Variants in SUPT3H observed in about 807,000 individuals in gnomAD.
SUPT3H encodes the protein SPT3 homolog, SAGA and STAGA complex component, also known as transcription initiation protein SPT3 homolog.
A neutral mutation model predicts 44.3 loss-of-function variants in SUPT3H; 44 were observed. That is an observed-to-expected ratio of 0.99 (90% confidence interval 0.78 to 1.28). The LOEUF (loss-of-function observed/expected upper bound fraction) is 1.28. SUPT3H is among the 50% of genes most tolerant of loss of function. The pLI is 0.00. For synonymous variants in SUPT3H, 124 were observed against 125.6 expected, an observed-to-expected ratio of 0.99 and a Z score of 0.09; for missense variants, 380 against 387.1, an observed-to-expected ratio of 0.98 and a Z score of 0.15.
At chr6:45,114,031 G>T (rs1450503349) in intron 2 of SUPT3H, among the ~76,000 whole-genome samples, 1 of 151,286 alleles carries the variant, frequency 6.6e-6, no homozygotes, top group East Asian at 1.9e-4. Flanking sequence ...AATATGTGAA[G>T]ATATATAAAA....
At chr6:45,144,712 A>C (rs1242357374) in intron 2 of SUPT3H, among the ~76,000 whole-genome samples, 1 of 152,080 alleles carries the variant, frequency 6.6e-6, no homozygotes, top group Non-Finnish European at 1.5e-5. Context: ...GAGGAAGTCA[A>C]ACTCTCACCA....
intron 10 of SUPT3H, among the ~76,000 whole-genome samples, chr6:44,885,571 A>C (rs1762122683): frequency 6.6e-6 from 1 of 152,194 alleles, no homozygotes; most frequent in South Asian, 2.1e-4. Context: ...TGTTAGAAGG[A>C]AAACTAACAA....
chr6:45,322,829 C>T, intron 2 of SUPT3H: 1 of 1,467,228 alleles, frequency 6.8e-7, no homozygotes, highest in Non-Finnish European at 9.5e-7. Flanking sequence ...TTTCTCCAAC[C>T]ACAGTTAGAT....
At chr6:44,861,013 G>A (rs1038860607) in intron 10 of SUPT3H, among the ~76,000 whole-genome samples, 7 of 152,116 alleles carry the variant, frequency 4.6e-5, no homozygotes, top group African/African-American at 1.4e-4. Context: ...AGAGTCCTGG[G>A]TTCTGCTATT....
chr6:45,299,008 T>C (rs1781719185), intron 2 of SUPT3H, among the ~76,000 whole-genome samples: 1 of 152,082 alleles, frequency 6.6e-6, no homozygotes, highest in South Asian at 2.1e-4. Context: ...ACCACGTAAA[T>C]GCAAAGTTTA....
intron 2 of SUPT3H, among the ~76,000 whole-genome samples, chr6:45,333,794 C>T (rs1372564803): frequency 6.6e-6 from 1 of 151,220 alleles, no homozygotes; most frequent in Non-Finnish European, 1.5e-5. Context: ...ACTTCCTCTA[C>T]TCTATATTCT....
intron 10 of SUPT3H, among the ~76,000 whole-genome samples, chr6:44,918,404 ACT>A (rs1469104316): frequency 6.6e-6 from 1 of 152,228 alleles, no homozygotes; most frequent in Non-Finnish European, 1.5e-5. Context: ...GCCAAAGAAC[ACT>A]TCTTCATCAC....
At chr6:44,953,084 G>A (rs1455407178) in intron 9 of SUPT3H, among the ~76,000 whole-genome samples, 1 of 152,174 alleles carries the variant, frequency 6.6e-6, no homozygotes, top group Non-Finnish European at 1.5e-5. Flanking sequence ...GGAAAGCTAA[G>A]TGAAGCAAGA....
At chr6:44,824,842 A>G (rs9349303), downstream of SUPT3H, among the ~76,000 whole-genome samples, 52,235 of 151,998 alleles carry the variant, frequency 0.34, 10,039 homozygotes, top group East Asian at 0.56. Flanking sequence ...TTTCCTATTT[A>G]TTTCCATACA....
chr6:45,151,199 T>G (rs527881962), intron 2 of SUPT3H, among the ~76,000 whole-genome samples: 3 of 152,148 alleles, frequency 2.0e-5, no homozygotes, highest in African/African-American at 4.8e-5. Context: ...GGTATGCAGA[T>G]AGTAAACTAA....
chr6:45,219,371 T>A (rs1269699313), intron 2 of SUPT3H, among the ~76,000 whole-genome samples: 4 of 147,186 alleles, frequency 2.7e-5, no homozygotes, highest in African/African-American at 1.0e-4. Flanking sequence ...AAGACACAAA[T>A]CACAAACGCC....
intron 1 of SUPT3H, among the ~76,000 whole-genome samples, chr6:45,372,652 C>A (rs574815447): frequency 2.0e-5 from 3 of 152,232 alleles, no homozygotes; most frequent in Non-Finnish European, 4.4e-5. Context: ...ATACCATACA[C>A]CAAACAGAGT....
rs915258825 is a variant in SUPT3H, at chr6:44,884,972, C to A, written c.912+47681G>T. ...CGCACCAGGAGATTATATCCTGCAC[C>A]TGGCTCGGAGGGTCCTACGCCCACG... On this transcript the variant is annotated intron_variant, in intron 10 of 10. Transcript: ENST00000371459. Among the ~76,000 whole-genome samples the A allele has an allele frequency of 3.3e-5, 5 of 152,206 alleles. No individual in the cohort carries two copies. In the East Asian group the frequency reaches 5.8e-4, roughly 18 times the overall value.
chr6:45,267,838 A>T (rs1775511155), intron 2 of SUPT3H, among the ~76,000 whole-genome samples: 1 of 152,120 alleles, frequency 6.6e-6, no homozygotes, highest in African/African-American at 2.4e-5. Context: ...GTTGCCCCCT[A>T]ATCCAAAAGT....
chr6:45,102,019 T>G (rs1393065992), intron 3 of SUPT3H, among the ~76,000 whole-genome samples: 1 of 152,056 alleles, frequency 6.6e-6, no homozygotes, highest in African/African-American at 2.4e-5. Flanking sequence ...AACAAGATAA[T>G]TTTTTGGGGA....
At chr6:45,271,069 G>C (rs1475379890) in intron 2 of SUPT3H, among the ~76,000 whole-genome samples, 1 of 152,186 alleles carries the variant, frequency 6.6e-6, no homozygotes, top group Non-Finnish European at 1.5e-5. Flanking sequence ...GCATTCAAGA[G>C]GTGACCTGGG....
At chr6:44,897,532 A>G (rs989992805) in intron 10 of SUPT3H, among the ~76,000 whole-genome samples, 17 of 152,208 alleles carry the variant, frequency 1.1e-4, no homozygotes, top group Non-Finnish European at 2.1e-4. Context: ...CTGACTTTGC[A>G]TCATGTTTTT....
intron 2 of SUPT3H, among the ~76,000 whole-genome samples, chr6:45,216,407 G>T (rs2153633082): frequency 6.6e-6 from 1 of 152,186 alleles, no homozygotes; most frequent in South Asian, 2.1e-4. Context: ...AAAACAACCA[G>T]AAAACAATTA....
intron 10 of SUPT3H, among the ~76,000 whole-genome samples, chr6:44,833,410 A>G (rs1251469110): frequency 1.3e-5 from 2 of 152,112 alleles, no homozygotes; most frequent in Non-Finnish European, 2.9e-5. Context: ...TGGCTTCACT[A>G]AACTTCCAGT....
Sources: gnomAD v4.1 joint callset for allele counts (sites outside exome capture counted in the v4.1 genomes callset) on GRCh38, gnomAD v4.1.1 for gene constraint, MANE v1.5 for transcripts, NCBI Gene and HGNC (gene_info 2026-07-23, HGNC 2026-07-21) for gene names.